PLIN5: variants seen among roughly 807,000 people sequenced by gnomAD.
The protein encoded by PLIN5 is perilipin-5.
A neutral mutation model predicts 32.8 loss-of-function variants in PLIN5; 34 were observed. That is an observed-to-expected ratio of 1.04 (90% confidence interval 0.79 to 1.38). PLIN5 has a LOEUF of 1.38. Ranked by LOEUF, PLIN5 falls within the 40% of genes most tolerant of loss-of-function variation. PLIN5 has a pLI of 0.00. For synonymous variants in PLIN5, 309 were observed against 292.9 expected, an observed-to-expected ratio of 1.05 and a Z score of -0.56; for missense variants, 712 against 660.5, an observed-to-expected ratio of 1.08 and a Z score of -0.85.
rs760819691 is a variant in PLIN5, at chr19:4,525,663, G to C, written c.690C>G (p.Thr230=). The change falls in exon 6 of 8, where the codon ACC becomes ACG. Residue 230 remains threonine, a synonymous_variant. Coordinates refer to ENST00000381848, the MANE Select transcript of PLIN5 (RefSeq NM_001013706.3). The surrounding 1 kb of genome is among the most constrained non-coding windows in gnomAD (Gnocchi z 5.6). The part of the protein sequence containing the change: ...LRQSKHRAQD[T]LAQLQETLEL... ...CCAGCGTCTCCTGCAGCTGGGCCAGGGTGTCCTGGGCACGGTGTTTGCTCT... is the reference window on the plus strand; with the variant it reads ...CCAGCGTCTCCTGCAGCTGGGCCAGCGTGTCCTGGGCACGGTGTTTGCTCT... The C allele has an allele frequency of 6.2e-7, 1 of 1,613,458 alleles. No homozygotes were observed. The highest frequency in any genetic ancestry group is 1.3e-5 in the African/African-American group (1 of 74,924).
At position 4,531,574 on chromosome 19, in the gene PLIN5, C is replaced by T. The variant is rs1443891187; in HGVS notation, c.256+53G>A. The T allele has an allele frequency of 4.0e-5, 53 of 1,331,994 alleles. No individual in the cohort carries two copies. The Middle Eastern group carries it at 8.3e-4, about 21-fold the overall frequency. 82.5% of individuals were successfully genotyped at this position (1,331,994 alleles called of 1,614,324 possible). On this transcript the variant is annotated intron_variant, in intron 3 of 7. Transcript: ENST00000381848. Reference sequence around the variant, plus strand: ...AGACCAAGGAGGATGGGACAGGGGGCGGTGGGGGGGTGGCAAGCCACAGCT... The same window carrying T: ...AGACCAAGGAGGATGGGACAGGGGGTGGTGGGGGGGTGGCAAGCCACAGCT...
intron 2 of PLIN5, 87 bp from the exon 3 acceptor site, chr19:4,531,909 C>G: frequency 7.4e-7 from 1 of 1,342,810 alleles, no homozygotes; most frequent in South Asian, 1.6e-5. Context: ...TGGGCCAGGA[C>G]GAGGGATGGG....
chr19:4,531,634 C>A lies in PLIN5; in HGVS notation c.249G>T (p.Gln83His). 2 of 1,521,458 alleles carry A rather than the reference C, an allele frequency of 1.3e-6. No individual in the cohort carries two copies. Among genetic ancestry groups the A allele is most frequent in the Non-Finnish European group, 1.8e-6 (2 of 1,136,730 alleles). The allele number at this position is 1,521,458 out of a possible 1,614,324, so 94.2% of individuals were successfully genotyped here. Reference sequence around the variant, plus strand: ...ACGGGCCAGGGCACTCACGCTGGGGCTGCAGGTGCTCGAGCAGCGGCTGGG... The same window carrying A: ...ACGGGCCAGGGCACTCACGCTGGGGATGCAGGTGCTCGAGCAGCGGCTGGG... Reference protein sequence around the residue: ...DHAQPLLEHLQPQLATMNSLA... With the variant: ...DHAQPLLEHLHPQLATMNSLA... The change falls in exon 3 of 8, where the codon CAG becomes CAT. Residue 83 changes from glutamine (Q) to histidine (H), a missense_variant. By Grantham distance (24) the Gln-to-His change is conservative (BLOSUM62 0). Transcript: ENST00000381848.
chr19:4,526,551 A>G (rs936900870), intron 5 of PLIN5, among the ~76,000 whole-genome samples: 2 of 152,108 alleles, frequency 1.3e-5, no homozygotes, highest in African/African-American at 4.8e-5. Flanking sequence ...CAGCCTTTTA[A>G]AAATATAGGT....
intron 1 of PLIN5, 127 bp from the exon 2 acceptor site, chr19:4,534,222 T>C (rs1012033645): frequency 1.4e-6 from 1 of 734,180 alleles, no homozygotes; most frequent in African/African-American, 1.7e-5. Context: ...TAATGGGGCA[T>C]TCTGTGGAGC....
In PLIN5 at chr19:4,531,685, G is replaced by A. The variant is rs948489066; in HGVS notation, c.198C>T (p.Gly66=). Residue 66 remains glycine, a synonymous_variant, in exon 3 of 8, where the codon GGC becomes GGT. Transcript: ENST00000381848. ...CGTGGTCCAGGGCACGGGTGGTCAG[G>A]CCGCACACGCAGTTCTCAGCCAGGC... ...ACRLAENCVC[G]LTTRALDHAQ... The A allele has an allele frequency of 6.4e-7, 1 of 1,552,492 alleles. No homozygotes were observed. Among genetic ancestry groups the A allele is most frequent in the African/African-American group, 1.4e-5 (1 of 73,466 alleles).
chr19:4,524,157 G>A, intron 7 of PLIN5, 72 bp from the exon 8 acceptor site: 1 of 1,353,112 alleles, frequency 7.4e-7, no homozygotes, highest in Non-Finnish European at 9.5e-7. Flanking sequence ...CGGTTTCTCT[G>A]ATGGACCCAC....
In PLIN5 at chr19:4,525,101, TCAGAGCTGG is replaced by T. The variant is rs542599531; in HGVS notation, c.721-34_721-26del. On this transcript the variant is annotated intron_variant, in intron 6 of 7. Coordinates refer to ENST00000381848, the MANE Select transcript of PLIN5 (RefSeq NM_001013706.3). This position sits in a 1 kb window ranked among gnomAD's most constrained non-coding sequence, Gnocchi z 5.6. The stretch of plus-strand genomic sequence containing the variant: ...TCTGCAAGGACAGAAATGGTGGTCT[TCAGAGCTGG>T]GGGAGCTGGGGGAGCTGGGGGTCGG... 1.1e-4 allele frequency: 109 copies of T among 981,080 alleles called. 1 individual carries two copies. In the South Asian group the frequency reaches 1.8e-3, roughly 16 times the overall value. The allele number at this position is 981,080 out of a possible 1,614,324, so 60.8% of individuals were successfully genotyped here. A position where few individuals can be genotyped will look rare whatever the true frequency, so the allele number is the denominator to read the frequency against.
rs774359629 is a variant in PLIN5, at chr19:4,525,004, C to T, written c.793G>A (p.Glu265Lys). 7.3e-6 allele frequency: 11 copies of T among 1,516,696 alleles called. No homozygotes were observed. The Admixed American group carries it at 1.1e-4, about 15-fold the overall frequency. 94.0% of individuals were successfully genotyped at this position (1,516,696 alleles called of 1,614,324 possible). Reference protein sequence around the residue: ...CPGKVHELWGEWGQRPPESRR... With the variant: ...CPGKVHELWGKWGQRPPESRR... Reference sequence around the variant, plus strand: ...CTCTCCGGAGGGCGCTGGCCCCATTCCCCCCACAGCTCGTGCACCTTCCCA... The same window carrying T: ...CTCTCCGGAGGGCGCTGGCCCCATTTCCCCCACAGCTCGTGCACCTTCCCA... Residue 265 changes from glutamate to lysine, a missense_variant, in exon 7 of 8, where the codon GAA (glutamate) becomes AAA (lysine). By Grantham distance (56) the Glu-to-Lys change is moderately conservative. Coordinates refer to ENST00000381848, the MANE Select transcript of PLIN5 (RefSeq NM_001013706.3). This position sits in a 1 kb window ranked among gnomAD's most constrained non-coding sequence, Gnocchi z 5.6.
chr19:4,528,005 G>A (rs1457817550), intron 5 of PLIN5, among the ~76,000 whole-genome samples: 2 of 151,586 alleles, frequency 1.3e-5, no homozygotes, highest in Non-Finnish European at 2.9e-5. Flanking sequence ...CACCCCCCGG[G>A]TTCACGCCAT....
intron 4 of PLIN5, chr19:4,529,510 A>C: frequency 1.9e-6 from 1 of 527,674 alleles, no homozygotes; most frequent in East Asian, 3.0e-5. Context: ...ACATATATAC[A>C]TGTATATATA....
Position 4,525,631 on chromosome 19 carries a change from A to G in PLIN5, c.720+2T>C, listed in dbSNP as rs1240834526. Reference sequence around the variant, plus strand: ...GAGCAGGGGCGGGCAGCGGGCTCTCACCAGCTCCAGCGTCTCCTGCAGCTG... The same window carrying G: ...GAGCAGGGGCGGGCAGCGGGCTCTCGCCAGCTCCAGCGTCTCCTGCAGCTG... On this transcript the variant is annotated splice_donor_variant, in intron 6 of 7. Coordinates refer to ENST00000381848, the MANE Select transcript of PLIN5 (RefSeq NM_001013706.3). LOFTEE classifies it high-confidence loss of function. This position sits in a 1 kb window ranked among gnomAD's most constrained non-coding sequence, Gnocchi z 5.6. 4 of 1,612,386 alleles carry G rather than the reference A, an allele frequency of 2.5e-6. No individual in the cohort carries two copies. The highest frequency in any genetic ancestry group is 2.7e-5 in the African/African-American group (2 of 74,900).
chr19:4,533,710 G>A (rs1471642575), intron 2 of PLIN5: 7 of 512,254 alleles, frequency 1.4e-5, no homozygotes, highest in Admixed American at 6.8e-5. Flanking sequence ...TACTGAGGGC[G>A]CCATGATGGT....
chr19:4,522,693 A>G lies in PLIN5; in HGVS notation c.*835T>C, dbSNP rs1976745474. On this transcript the variant is annotated 3_prime_UTR_variant, in exon 8 of 8. Coordinates refer to ENST00000381848, the MANE Select transcript of PLIN5 (RefSeq NM_001013706.3). ...TTTCCCTAGGAAGTATTTTTTAAAA[A>G]CATTTTTGAGATAGAGTCTTGCTCT... 6.6e-6 allele frequency: 1 copy of G among 152,068 alleles called. No homozygotes were observed. Among genetic ancestry groups the G allele is most frequent in the Admixed American group, 6.6e-5 (1 of 15,256 alleles). The allele number at this position is 152,068 out of a possible 1,614,324, so 9.4% of individuals were successfully genotyped here.
At chr19:4,529,665 A>G in intron 4 of PLIN5, 119 bp downstream of exon 4, 1 of 702,614 alleles carries the variant, frequency 1.4e-6, no homozygotes. Context: ...CAGTTATTTT[A>G]ACCTGGCTGT....
chr19:4,533,715 G>A lies in PLIN5; in HGVS notation c.60+300C>T, dbSNP rs575944943. ...CTATTGTTGTTACTGAGGGCGCCAT[G>A]ATGGTGGACGTGGAGACAGAAGGAT... On this transcript the variant is annotated intron_variant, in intron 2 of 7. Coordinates refer to ENST00000381848, the MANE Select transcript of PLIN5 (RefSeq NM_001013706.3). 289 of 512,336 alleles carry A rather than the reference G, an allele frequency of 5.6e-4. 4 individuals carry two copies. The highest frequency in any genetic ancestry group is 2.7e-4 in the Admixed American group (8 of 29,212). The allele number at this position is 512,336 out of a possible 1,614,324, so 31.7% of individuals were successfully genotyped here.
chr19:4,530,786 C>T (rs1481642373), intron 3 of PLIN5, among the ~76,000 whole-genome samples: 2 of 152,064 alleles, frequency 1.3e-5, no homozygotes, highest in Admixed American at 6.6e-5. Context: ...GATTCTCCTG[C>T]CTCAGCCTCC....
rs375761593 is a variant in PLIN5, at chr19:4,523,543, G to A, written c.1377C>T (p.Pro459=). The change falls in exon 8 of 8, where the codon CCC becomes CCT. Residue 459 remains proline (P), a synonymous_variant. Transcript: ENST00000381848. This position sits in a 1 kb window ranked among gnomAD's most constrained non-coding sequence, Gnocchi z 5.0. ...GGCCCATGGGTCAGAAGTCCAGCTC[G>A]GGCATCAGGGTGTGCTTGACCGGGC... ...PSCPVKHTLM[P]ELDF 71 of 1,566,266 alleles carry A rather than the reference G, an allele frequency of 4.5e-5. 1 individual carries two copies. Among genetic ancestry groups the A allele is most frequent in the South Asian group, 3.0e-4 (25 of 83,660 alleles).
In PLIN5 at chr19:4,525,141, G is replaced by C; in HGVS notation, c.721-65C>G. 1 of 858,250 alleles carries C rather than the reference G, an allele frequency of 1.2e-6. No homozygotes were observed. The highest frequency in any genetic ancestry group is 3.1e-5 in the East Asian group (1 of 31,970). The allele number at this position is 858,250 out of a possible 1,614,324, so 53.2% of individuals were successfully genotyped here. A position where few individuals can be genotyped will look rare whatever the true frequency, so the allele number is the denominator to read the frequency against. ...CTGGGGGAGCTGGGGGTCGGGGTGG[G>C]GTCCAGGACCACTGATCTGGCCTCA... On this transcript the variant is annotated intron_variant, in intron 6 of 7. Transcript: ENST00000381848. This position sits in a 1 kb window ranked among gnomAD's most constrained non-coding sequence, Gnocchi z 5.6.
Sources: allele counts gnomAD v4.1 joint callset (sites outside exome capture counted in the v4.1 genomes callset), GRCh38; gene constraint gnomAD v4.1.1; non-coding constraint Gnocchi (gnomAD v3.1); transcripts MANE v1.5; gene names NCBI Gene and HGNC (gene_info 2026-07-23, HGNC 2026-07-21).